Variants in PCDHA2 observed in about 807,000 individuals in gnomAD.
PCDHA2 encodes protocadherin alpha-2.
In PCDHA2, 58 loss-of-function variants were observed where a neutral mutation model predicts 66.0. That is an observed-to-expected ratio of 0.88 (90% CI 0.71 to 1.09). The LOEUF (loss-of-function observed/expected upper bound fraction) is 1.09. Among genes scored for constraint, PCDHA2 ranks in the 50% least tolerant of loss-of-function variants. The probability of loss-of-function intolerance (pLI) is 0.00; values close to 1 mark genes in which losing one functional copy is unlikely to be tolerated. For missense variants in PCDHA2, 1,267 were observed against 1,242.3 expected (o/e 1.02, Z -0.30); for synonymous variants, 634 against 554.0 (o/e 1.14, Z -2.03).
rs2043467325 is a variant in PCDHA2 at position 140,855,436 on chromosome 5, G to C, written c.2388+58084G>C. Among the ~76,000 whole-genome samples the C allele has an allele frequency of 2.7e-5, 4 of 149,868 alleles. No homozygotes were observed. In the South Asian group the frequency reaches 8.4e-4, roughly 32 times the overall value. ...GATCTCTAAATTCTAGTGATGACTA[G>C]ATCTTCGGAGTTATAAACACCTCAC... On this transcript the variant is annotated intron_variant, in intron 1 of 3. Transcript: ENST00000526136.
In PCDHA2 at chr5:140,819,305, TA is replaced by T. The variant is rs2150103719; in HGVS notation, c.2388+21954del. 1.3e-3 allele frequency among the ~76,000 whole-genome samples: 198 copies of T among 152,318 alleles called. 1 individual carries two copies. The highest frequency in any genetic ancestry group is 4.3e-3 in the African/African-American group (178 of 41,586). ...AGAAAAATATAGCTTATTAAAATTT[TA>T]TTCTGGGTTTTGTAAGGAATAAAGG... is the stretch of plus-strand genomic sequence containing the variant. On this transcript the variant is annotated intron_variant, in intron 1 of 3. Coordinates refer to ENST00000526136, the MANE Select transcript of PCDHA2 (RefSeq NM_018905.3).
At chr5:140,887,494 CT>C (rs1439502451) in intron 1 of PCDHA2, among the ~76,000 whole-genome samples, 1 of 152,128 alleles carries the variant, frequency 6.6e-6, no homozygotes, top group Non-Finnish European at 1.5e-5. Flanking sequence ...TGCATAGTTT[CT>C]AATAAGATGT....
chr5:140,839,391 TG>T (rs1776205247), intron 1 of PCDHA2, among the ~76,000 whole-genome samples: 1 of 151,714 alleles, frequency 6.6e-6, no homozygotes, highest in African/African-American at 2.4e-5. Flanking sequence ...ATGATGATGA[TG>T]ATGATTATTA....
chr5:140,979,807 A>T (rs376087021), intron 2 of PCDHA2, among the ~76,000 whole-genome samples: 2 of 152,258 alleles, frequency 1.3e-5, no homozygotes, highest in African/African-American at 4.8e-5. Flanking sequence ...CACAACTATC[A>T]AAAGGATTTA....
chr5:140,969,473 A>G (rs562575347), intron 1 of PCDHA2: 1 of 1,478,090 alleles, frequency 6.8e-7, no homozygotes, highest in Non-Finnish European at 9.0e-7. Flanking sequence ...CCACAATTTG[A>G]TCATAATCTG....
At chr5:140,848,357 TG>T in intron 1 of PCDHA2, 1 of 1,035,374 alleles carries the variant, frequency 9.7e-7, no homozygotes, top group Non-Finnish European at 1.4e-6. Flanking sequence ...CCTTTTCCCA[TG>T]GGAAAGAGGC....
intron 1 of PCDHA2, chr5:140,807,056 C>A: frequency 9.3e-7 from 1 of 1,079,728 alleles, no homozygotes; most frequent in Non-Finnish European, 1.3e-6. Context: ...TCTATTCTTA[C>A]TGGAAGGAAC....
At chr5:140,890,226 G>C (rs1339541830) in intron 1 of PCDHA2, among the ~76,000 whole-genome samples, 7 of 152,100 alleles carry the variant, frequency 4.6e-5, no homozygotes, top group Admixed American at 4.6e-4. Context: ...AGACCTAGTT[G>C]TTAAGCATTT....
In PCDHA2 at chr5:140,829,378, C is replaced by T. The variant is rs142490526; in HGVS notation, c.2388+32026C>T. 28 of 1,614,180 alleles carry T rather than the reference C, an allele frequency of 1.7e-5. No homozygotes were observed. In the African/African-American group the frequency reaches 2.1e-4, roughly 12 times the overall value. On this transcript the variant is annotated intron_variant, in intron 1 of 3. Transcript: ENST00000526136. ...ATGAGTTGGTGGTAACCGCGCGGGA[C>T]GGGGGCTCGCCTTCGCTGTGGGCCA...
rs2150394601 is a variant in PCDHA2 at position 140,846,768 on chromosome 5, A to T, written c.2388+49416A>T. On this transcript the variant is annotated intron_variant, in intron 1 of 3. Coordinates refer to ENST00000526136, the MANE Select transcript of PCDHA2 (RefSeq NM_018905.3). ...TACAGATCTCTAACAGCATATCATC[A>T]TGTCAGGAATTATTACTGAGCCCCA... Among the ~76,000 whole-genome samples, 10 of 149,454 alleles carry T rather than the reference A, an allele frequency of 6.7e-5. 1 individual carries two copies. The highest frequency in any genetic ancestry group is 2.2e-4 in the African/African-American group (9 of 40,730).
chr5:140,871,534 T>G, intron 1 of PCDHA2: 1 of 1,514,416 alleles, frequency 6.6e-7, no homozygotes, highest in Non-Finnish European at 8.9e-7. Context: ...GAAGTGTATG[T>G]GAAATTATTT....
At chr5:140,886,155 T>C (rs528104847) in intron 1 of PCDHA2, among the ~76,000 whole-genome samples, 1 of 152,212 alleles carries the variant, frequency 6.6e-6, no homozygotes, top group African/African-American at 2.4e-5. Context: ...CACCTTTTTA[T>C]AGCCACATCT....
In PCDHA2 at chr5:140,802,960, G is replaced by A. The variant is rs1763074901; in HGVS notation, c.2388+5608G>A. The stretch of plus-strand genomic sequence containing the variant: ...CTGGTGCCGCGGTCAGTGGGTGCGG[G>A]CCACGTGGTAGCGAAGGTGCGCGCA... On this transcript the variant is annotated intron_variant, in intron 1 of 3. Coordinates refer to ENST00000526136, the MANE Select transcript of PCDHA2 (RefSeq NM_018905.3). 6.2e-7 allele frequency: 1 copy of A among 1,613,960 alleles called. No individual in the cohort carries two copies.
chr5:140,993,539 T>C (rs1433781690), intron 3 of PCDHA2, among the ~76,000 whole-genome samples: 7 of 128,018 alleles, frequency 5.5e-5, no homozygotes, highest in Non-Finnish European at 1.0e-4. Flanking sequence ...GAGAGAGAGA[T>C]AGAGAAGTGA....
At chr5:140,828,490 C>G in intron 1 of PCDHA2, 2 of 1,614,172 alleles carry the variant, frequency 1.2e-6, no homozygotes, top group Non-Finnish European at 1.7e-6. Context: ...CGCCCTTGTT[C>G]CCGGTAGAGG....
Position 140,835,755 on chromosome 5 carries a change from C to T in PCDHA2, c.2388+38403C>T, listed in dbSNP as rs2150244114. Reference sequence around the variant, plus strand: ...CGACAACGCCCCGGCGTTCGCGCAGCCCGAGTATACGGTGTTCGTGAAGGA... The same window carrying T: ...CGACAACGCCCCGGCGTTCGCGCAGTCCGAGTATACGGTGTTCGTGAAGGA... On this transcript the variant is annotated intron_variant, in intron 1 of 3. Coordinates refer to ENST00000526136, the MANE Select transcript of PCDHA2 (RefSeq NM_018905.3). 3.7e-6 allele frequency: 6 copies of T among 1,613,528 alleles called. No homozygotes were observed. Among genetic ancestry groups the T allele is most frequent in the Admixed American group, 3.3e-5 (2 of 60,022 alleles).
chr5:140,984,168 A>C (rs1181991691), intron 3 of PCDHA2, among the ~76,000 whole-genome samples: 1 of 152,204 alleles, frequency 6.6e-6, no homozygotes, highest in Non-Finnish European at 1.5e-5. Context: ...TTCCCAAAGA[A>C]GCCACGTGAA....
intron 1 of PCDHA2, among the ~76,000 whole-genome samples, chr5:140,933,412 A>G (rs1466318521): frequency 2.6e-5 from 4 of 152,066 alleles, no homozygotes; most frequent in Non-Finnish European, 5.9e-5. Flanking sequence ...ATCTACAGAT[A>G]TTCTGTGTTC....
intron 1 of PCDHA2, chr5:140,824,610 GTTTTTTTT>G (rs782443702): frequency 1.1e-5 from 1 of 95,104 alleles, no homozygotes; most frequent in Non-Finnish European, 1.9e-5. Flanking sequence ...GCTAATTAAA[GTTTTTTTT>G]TTTTTTTTTT....
Sources: gnomAD v4.1 joint callset for allele counts (sites outside exome capture counted in the v4.1 genomes callset) on GRCh38, gnomAD v4.1.1 for gene constraint, MANE v1.5 for transcripts, NCBI Gene and HGNC (gene_info 2026-07-23, HGNC 2026-07-21) for gene names.